GPC6: variants seen among roughly 807,000 people sequenced by gnomAD.
GPC6 encodes glypican 6, also known as glypican-6.
In GPC6, 14 loss-of-function variants were observed where a neutral mutation model predicts 55.2. The observed-to-expected ratio is 0.25, with a 90% CI of 0.17 to 0.40. GPC6 has a LOEUF of 0.40. Ranked by LOEUF, GPC6 falls within the 10% of genes least tolerant of loss-of-function variation. The pLI is 1.00. For missense variants in GPC6, 641 were observed against 708.5 expected (o/e 0.90, Z 1.08); for synonymous variants, 278 against 259.6 (o/e 1.07, Z -0.68).
chr13:94,320,446 T>G (rs1446000070), intron 6 of GPC6, among the ~76,000 whole-genome samples: 3 of 151,876 alleles, frequency 2.0e-5, no homozygotes, highest in Admixed American at 6.6e-5. Context: ...CTGTTGTGGG[T>G]TTTTTTTGTG....
At chr13:94,248,633 A>T (rs768535507) in intron 4 of GPC6, among the ~76,000 whole-genome samples, 1 of 151,996 alleles carries the variant, frequency 6.6e-6, no homozygotes, top group Non-Finnish European at 1.5e-5. Context: ...CACCAAAAAA[A>T]TTTCCATACA....
At chr13:93,989,499 C>T (rs553421777) in intron 3 of GPC6, among the ~76,000 whole-genome samples, 2 of 152,288 alleles carry the variant, frequency 1.3e-5, no homozygotes, top group South Asian at 4.1e-4. Flanking sequence ...CAGCACTAGC[C>T]TCAGCCATTC....
chr13:93,877,484 A>G (rs936069986), intron 3 of GPC6, among the ~76,000 whole-genome samples: 3 of 152,104 alleles, frequency 2.0e-5, no homozygotes, highest in Non-Finnish European at 4.4e-5. Flanking sequence ...ATAATGTCAC[A>G]TAAATTTCAA....
At chr13:93,588,639 C>T (rs7328205) in intron 2 of GPC6, among the ~76,000 whole-genome samples, 7,764 of 152,126 alleles carry the variant, frequency 0.051, 659 homozygotes, top group African/African-American at 0.18. Context: ...GTGGAGACCT[C>T]AGTAATCTTA....
intron 2 of GPC6, among the ~76,000 whole-genome samples, chr13:93,775,922 C>T (rs532852997): frequency 1.3e-5 from 2 of 151,996 alleles, no homozygotes; most frequent in Admixed American, 6.6e-5. Context: ...ATTTGCAGAC[C>T]GTTTTTGTAA....
At chr13:93,689,154 C>G (rs1005604449) in intron 2 of GPC6, among the ~76,000 whole-genome samples, 1 of 151,986 alleles carries the variant, frequency 6.6e-6, no homozygotes, top group Non-Finnish European at 1.5e-5. Flanking sequence ...TGAAAACACA[C>G]TGAGTACTCA....
chr13:93,931,633 G>A (rs1432345400), intron 3 of GPC6, among the ~76,000 whole-genome samples: 1 of 151,660 alleles, frequency 6.6e-6, no homozygotes, highest in Non-Finnish European at 1.5e-5. Context: ...ACGTGGTGGC[G>A]GGCACCTGTA....
chr13:93,414,738 G>A (rs1450805807), intron 1 of GPC6, among the ~76,000 whole-genome samples: 2 of 152,138 alleles, frequency 1.3e-5, no homozygotes, highest in Non-Finnish European at 2.9e-5. Flanking sequence ...AAGTGGTGAT[G>A]ATGGGAATGG....
chr13:93,705,604 A>G (rs1296031790), intron 2 of GPC6, among the ~76,000 whole-genome samples: 1 of 151,816 alleles, frequency 6.6e-6, no homozygotes, highest in East Asian at 1.9e-4. Flanking sequence ...ATTTTGCAAG[A>G]TAGATGAGCC....
At chr13:94,034,248 G>GGAAGGAAGGAAGGAAGGAAA (rs1371545784) in intron 4 of GPC6, among the ~76,000 whole-genome samples, 16 of 92,766 alleles carry the variant, frequency 1.7e-4, no homozygotes, top group African/African-American at 6.0e-4. Flanking sequence ...AAGGAAGGAA[G>GGAAGGAAGGAAGGAAGGAAA]GAAAGAAAGA....
intron 1 of GPC6, among the ~76,000 whole-genome samples, chr13:93,332,835 C>G (rs902232047): frequency 2.6e-5 from 4 of 152,068 alleles, no homozygotes; most frequent in Admixed American, 2.0e-4. Flanking sequence ...AGTTTCAGGC[C>G]TTACACTGAA....
chr13:93,785,733 G>A (rs928483173), intron 2 of GPC6, among the ~76,000 whole-genome samples: 1 of 152,064 alleles, frequency 6.6e-6, no homozygotes, highest in African/African-American at 2.4e-5. Context: ...GGCTGAGGTG[G>A]GAGGATCATC....
intron 4 of GPC6, among the ~76,000 whole-genome samples, chr13:94,064,050 G>T (rs1342794413): frequency 2.0e-5 from 3 of 152,118 alleles, no homozygotes; most frequent in African/African-American, 7.2e-5. Context: ...TGTCAAGTTA[G>T]TATGGTTAGT....
intron 2 of GPC6, among the ~76,000 whole-genome samples, chr13:93,804,898 T>C (rs1886495824): frequency 6.6e-6 from 1 of 152,214 alleles, no homozygotes; most frequent in South Asian, 2.1e-4. Context: ...GGGTCATTTC[T>C]TCTCTCCATC....
intron 1 of GPC6, among the ~76,000 whole-genome samples, chr13:93,277,404 T>C (rs1456392669): frequency 6.6e-6 from 1 of 152,190 alleles, no homozygotes; most frequent in East Asian, 1.9e-4. Context: ...GCTTTATAAA[T>C]TGCCAGACAC....
intron 2 of GPC6, among the ~76,000 whole-genome samples, chr13:93,670,041 C>G (rs7982394): frequency 1.2e-4 from 19 of 152,118 alleles, no homozygotes; most frequent in Non-Finnish European, 2.5e-4. Context: ...GTTCTCACAA[C>G]GGGACTAAAT....
chr13:93,750,873 G>T (rs775942968), intron 2 of GPC6, among the ~76,000 whole-genome samples: 1 of 152,170 alleles, frequency 6.6e-6, no homozygotes, highest in Non-Finnish European at 1.5e-5. Context: ...TCCAACAGAA[G>T]TTGAGCCTGT....
intron 2 of GPC6, among the ~76,000 whole-genome samples, chr13:93,789,501 C>G (rs1036509845): frequency 2.5e-4 from 20 of 78,978 alleles, no homozygotes; most frequent in African/African-American, 9.0e-4. Context: ...CTCTCTCTCT[C>G]TCTCTCTCTA....
chr13:93,595,648 C>T (rs1877694398), intron 2 of GPC6, among the ~76,000 whole-genome samples: 1 of 152,052 alleles, frequency 6.6e-6, no homozygotes, highest in African/African-American at 2.4e-5. Flanking sequence ...ATCTAATGTC[C>T]TTCTGATTGT....
Sources: gnomAD v4.1 joint callset for allele counts (sites outside exome capture counted in the v4.1 genomes callset) on GRCh38, gnomAD v4.1.1 for gene constraint, MANE v1.5 for transcripts, NCBI Gene and HGNC (gene_info 2026-07-23, HGNC 2026-07-21) for gene names.